Variants in KIAA1549L observed in about 807,000 individuals in gnomAD.
KIAA1549L encodes KIAA1549 like.
In KIAA1549L, 88 loss-of-function variants were observed where a neutral mutation model predicts 160.7. That is an observed-to-expected ratio of 0.55 (90% CI 0.46 to 0.65). The LOEUF (loss-of-function observed/expected upper bound fraction) is 0.65. KIAA1549L is among the 30% of genes least tolerant of loss of function. The probability of loss-of-function intolerance (pLI) is 0.00; values close to 1 mark genes in which losing one functional copy is unlikely to be tolerated. For missense variants in KIAA1549L, 2,258 were observed against 2,437.5 expected, an observed-to-expected ratio of 0.93 and a Z score of 1.55; for synonymous variants, 950 against 976.7, an observed-to-expected ratio of 0.97 and a Z score of 0.51.
At chr11:33,476,842 A>T (rs1462300697) in intron 1 of KIAA1549L, among the ~76,000 whole-genome samples, 1 of 152,138 alleles carries the variant, frequency 6.6e-6, no homozygotes, top group Non-Finnish European at 1.5e-5. Flanking sequence ...TTTTTCACAA[A>T]ACCTATTCCT....
intron 1 of KIAA1549L, among the ~76,000 whole-genome samples, chr11:33,471,791 A>G (rs1036845123): frequency 5.3e-5 from 8 of 152,230 alleles, no homozygotes; most frequent in African/African-American, 1.9e-4. Context: ...CAGATCTGGC[A>G]TGGACTCTGC....
chr11:33,608,045 T>C (rs1201518310), intron 14 of KIAA1549L, among the ~76,000 whole-genome samples: 1 of 152,192 alleles, frequency 6.6e-6, no homozygotes, highest in Non-Finnish European at 1.5e-5. Flanking sequence ...TGTCCAGCGC[T>C]CCTTTCCTCT....
At chr11:33,589,166 A>G (rs988184660) in intron 11 of KIAA1549L, among the ~76,000 whole-genome samples, 1 of 152,230 alleles carries the variant, frequency 6.6e-6, no homozygotes, top group African/African-American at 2.4e-5. Flanking sequence ...AAAAATGCTC[A>G]TCATCACTGG....
chr11:33,661,535 A>G (rs1287318610), intron 20 of KIAA1549L, among the ~76,000 whole-genome samples: 6 of 152,190 alleles, frequency 3.9e-5, no homozygotes, highest in South Asian at 2.1e-4. Flanking sequence ...TTCTTTTAGC[A>G]TAATAATTCT....
At chr11:33,659,072 C>CT (rs1348791696) in intron 19 of KIAA1549L, among the ~76,000 whole-genome samples, 174 bp downstream of exon 19, 2 of 152,190 alleles carry the variant, frequency 1.3e-5, no homozygotes, top group Non-Finnish European at 2.9e-5. Flanking sequence ...TGCTGATTTT[C>CT]TTTCTTTTAA....
rs781448869 is a variant in KIAA1549L, at chr11:33,591,430, G to A, written c.4751+9G>A. On this transcript the variant is annotated intron_variant, in intron 12 of 20. Coordinates refer to ENST00000658780, the MANE Select transcript of KIAA1549L (RefSeq NM_012194.3). Reference sequence around the variant, plus strand: ...ACTGAAACCAGGAAGAGGTAGGCACGGGGCTGACTTCTGCCTCTCTGTGTC... The same window carrying A: ...ACTGAAACCAGGAAGAGGTAGGCACAGGGCTGACTTCTGCCTCTCTGTGTC... 61 of 1,584,474 alleles carry A rather than the reference G, an allele frequency of 3.8e-5. No homozygotes were observed. In the African/African-American group the frequency reaches 5.9e-4, roughly 15 times the overall value.
Position 33,656,066 on chromosome 11 carries a change from G to A in KIAA1549L, c.5815G>A (p.Val1939Ile), listed in dbSNP as rs182871600. 55 of 1,613,718 alleles carry A rather than the reference G, an allele frequency of 3.4e-5. No homozygotes were observed. The highest frequency in any genetic ancestry group is 6.7e-5 in the Admixed American group (4 of 60,002). ...GGTCATGGGCTCACCGCCTCCACCCGTACCTCCCCGGACTGGTCCTGTGGC... is the reference window on the plus strand; with the variant it reads ...GGTCATGGGCTCACCGCCTCCACCCATACCTCCCCGGACTGGTCCTGTGGC... ...EMVMGSPPPP[V>I]PPRTGPVAVA... is the part of the protein sequence containing the mutation. Residue 1939 changes from valine (V) to isoleucine (I), a missense_variant, in exon 18 of 21, where the codon GTA (valine) becomes ATA (isoleucine). Transcript: ENST00000658780.
rs74784027 is a variant in KIAA1549L, at chr11:33,449,896, C to T, written c.238+73007C>T. Among the ~76,000 whole-genome samples the T allele has an allele frequency of 3.7e-4, 56 of 152,238 alleles. 2 individuals are homozygous for T. In the East Asian group the frequency reaches 6.6e-3, roughly 18 times the overall value. ...GACCAGCTCACCGATTTTTAACTCC[C>T]GGACTCAGATTCCCACAGAAAGCAC... On this transcript the variant is annotated intron_variant, in intron 1 of 20. Transcript: ENST00000658780.
rs1394942738 is a variant in KIAA1549L, at chr11:33,435,796, A to ATGTGTGTGTG, written c.238+58908_238+58909insGTGTGTGTGT. 2.9e-3 allele frequency among the ~76,000 whole-genome samples: 102 copies of ATGTGTGTGTG among 34,656 alleles called. 9 individuals carry two copies. The highest frequency in any genetic ancestry group is 0.014 in the East Asian group (22 of 1,564). The allele number at this position is 34,656 out of a possible 152,430, so 22.7% of individuals were successfully genotyped here. ...TATATATATATATATATATATATATATATATATATATATATGTGTGTGTAT... is the reference window on the plus strand; with the variant it reads ...TATATATATATATATATATATATATATGTGTGTGTGTATATATATATATATGTGTGTGTAT... On this transcript the variant is annotated intron_variant, in intron 1 of 20. Transcript: ENST00000658780.
intron 3 of KIAA1549L, among the ~76,000 whole-genome samples, chr11:33,547,238 A>G (rs1375644211): frequency 1.3e-5 from 2 of 152,154 alleles, no homozygotes; most frequent in Non-Finnish European, 2.9e-5. Context: ...CCCTTTACCA[A>G]ACTCAGGGCT....
chr11:33,575,502 G>A (rs575319434), intron 10 of KIAA1549L, among the ~76,000 whole-genome samples: 3 of 152,200 alleles, frequency 2.0e-5, no homozygotes, highest in Non-Finnish European at 2.9e-5. Context: ...CTCACTTTCT[G>A]TTCTCATTGG....
chr11:33,399,101 C>T (rs1850446310), intron 1 of KIAA1549L, among the ~76,000 whole-genome samples: 2 of 152,028 alleles, frequency 1.3e-5, no homozygotes, highest in South Asian at 2.1e-4. Context: ...TATAGGCATG[C>T]ACCACCACGC....
At chr11:33,390,396 C>T (rs1850250715) in intron 1 of KIAA1549L, among the ~76,000 whole-genome samples, 1 of 152,200 alleles carries the variant, frequency 6.6e-6, no homozygotes, top group African/African-American at 2.4e-5. Flanking sequence ...CTTGGTTCCC[C>T]TGACAATAAA....
At chr11:33,443,150 A>T (rs1851543138) in intron 1 of KIAA1549L, among the ~76,000 whole-genome samples, 1 of 151,972 alleles carries the variant, frequency 6.6e-6, no homozygotes, top group Admixed American at 6.6e-5. Flanking sequence ...GATGACTTTC[A>T]TTTAGAGTGA....
chr11:33,597,080 C>T (rs1437241414), intron 12 of KIAA1549L, among the ~76,000 whole-genome samples: 1 of 152,108 alleles, frequency 6.6e-6, no homozygotes, highest in East Asian at 1.9e-4. Flanking sequence ...AAGATTGTGA[C>T]CGAATAAATT....
At chr11:33,448,651 C>T (rs1270608470) in intron 1 of KIAA1549L, among the ~76,000 whole-genome samples, 1 of 152,170 alleles carries the variant, frequency 6.6e-6, no homozygotes, top group African/African-American at 2.4e-5. Context: ...CAGTGTTCTT[C>T]CTCAGTGCGG....
chr11:33,612,708 T>C (rs780126511), intron 15 of KIAA1549L, among the ~76,000 whole-genome samples: 1 of 152,160 alleles, frequency 6.6e-6, no homozygotes, highest in Non-Finnish European at 1.5e-5. Flanking sequence ...ATCACTCAGG[T>C]ATTAAACCTA....
chr11:33,458,005 C>T (rs1320404770), intron 1 of KIAA1549L, among the ~76,000 whole-genome samples: 1 of 152,186 alleles, frequency 6.6e-6, no homozygotes, highest in Non-Finnish European at 1.5e-5. Context: ...CCTGTGTGGG[C>T]TTCATTCTCT....
chr11:33,501,269 A>T lies in KIAA1549L; in HGVS notation c.239-40533A>T, dbSNP rs192460864. Among the ~76,000 whole-genome samples, 13 of 152,352 alleles carry T rather than the reference A, an allele frequency of 8.5e-5. No homozygotes were observed. The East Asian group carries it at 2.5e-3, about 29-fold the overall frequency. On this transcript the variant is annotated intron_variant, in intron 1 of 20. Transcript: ENST00000658780. ...CTTTGTCATTCAAAATTAGAAATCA[A>T]ATGGCTACAAATACATTTTAAGATC...
Sources: gnomAD v4.1 joint callset for allele counts (sites outside exome capture counted in the v4.1 genomes callset) on GRCh38, gnomAD v4.1.1 for gene constraint, MANE v1.5 for transcripts, NCBI Gene and HGNC (gene_info 2026-07-23, HGNC 2026-07-21) for gene names.